PDE4D: variants seen among roughly 807,000 people sequenced by gnomAD.
PDE4D encodes phosphodiesterase 4D, also known as 3',5'-cyclic-AMP phosphodiesterase 4D.
In PDE4D, 24 loss-of-function variants were observed where a neutral mutation model predicts 87.4. The ratio of observed to expected loss-of-function variants is 0.27; its 90% confidence interval spans 0.20 to 0.39. The LOEUF (loss-of-function observed/expected upper bound fraction) is 0.39. Ranked by LOEUF, PDE4D falls within the 10% of genes least tolerant of loss-of-function variation. The probability of loss-of-function intolerance (pLI) is 1.00; values close to 1 mark genes in which losing one functional copy is unlikely to be tolerated. For synonymous variants in PDE4D, 384 were observed against 383.2 expected (o/e 1.00, Z -0.02); for missense variants, 714 against 1,041.0 (o/e 0.69, Z 4.32).
At chr5:59,205,897 C>T (rs568300931) in intron 2 of PDE4D, among the ~76,000 whole-genome samples, 1 of 152,282 alleles carries the variant, frequency 6.6e-6, no homozygotes, top group East Asian at 1.9e-4. Flanking sequence ...GAGACAACAT[C>T]ATTTACTGAA....
intron 2 of PDE4D, among the ~76,000 whole-genome samples, chr5:60,148,995 AC>A (rs1781262192): frequency 6.6e-6 from 1 of 152,214 alleles, no homozygotes; most frequent in Non-Finnish European, 1.5e-5. Context: ...ACTCCTATGA[AC>A]AAAAATGTAG....
chr5:59,361,668 TG>T (rs1022463177), intron 1 of PDE4D, among the ~76,000 whole-genome samples: 3 of 152,182 alleles, frequency 2.0e-5, no homozygotes, highest in African/African-American at 7.2e-5. Flanking sequence ...ATGACTTATT[TG>T]GTATCTGGCT....
chr5:60,183,529 C>T (rs879543660), intron 2 of PDE4D, among the ~76,000 whole-genome samples: 2 of 152,116 alleles, frequency 1.3e-5, no homozygotes, highest in Admixed American at 1.3e-4. Context: ...GTAAGGTGAT[C>T]GTTTAAGGAT....
intron 1 of PDE4D, among the ~76,000 whole-genome samples, chr5:59,249,613 A>T (rs762431198): frequency 1.3e-5 from 2 of 152,176 alleles, no homozygotes; most frequent in Non-Finnish European, 2.9e-5. Context: ...TTGTATCCAT[A>T]TAAGTAATGT....
chr5:60,049,006 T>G (rs1389619313), intron 2 of PDE4D, among the ~76,000 whole-genome samples: 1 of 152,222 alleles, frequency 6.6e-6, no homozygotes, highest in African/African-American at 2.4e-5. Flanking sequence ...GGTACACCAA[T>G]CAGACATAGA....
At chr5:59,046,966 A>G (rs1480529165) in intron 5 of PDE4D, among the ~76,000 whole-genome samples, 1 of 152,214 alleles carries the variant, frequency 6.6e-6, no homozygotes, top group African/African-American at 2.4e-5. Flanking sequence ...AAGCAATTCC[A>G]GGCAATTCAG....
rs1425841033 is a variant in PDE4D, at chr5:59,493,154, T to TG, written c.456-277187_456-277186insC. ...GATTGGTACCAAACTCTGAGTTTTT[T>TG]TATTGCAATATTTTAGGCATTTTGG... is the stretch of plus-strand genomic sequence containing the variant. On this transcript the variant is annotated intron_variant, in intron 1 of 14. Coordinates refer to ENST00000340635, the MANE Select transcript of PDE4D (RefSeq NM_001104631.2). Among the ~76,000 whole-genome samples, 4 of 152,196 alleles carry TG rather than the reference T, an allele frequency of 2.6e-5. No individual in the cohort carries two copies. The East Asian group carries it at 7.7e-4, about 29-fold the overall frequency.
intron 1 of PDE4D, among the ~76,000 whole-genome samples, chr5:59,404,375 C>T (rs1791231328): frequency 6.6e-6 from 1 of 152,072 alleles, no homozygotes; most frequent in African/African-American, 2.4e-5. Flanking sequence ...AATCTTTGCT[C>T]AGGCCAGGCG....
intron 2 of PDE4D, among the ~76,000 whole-genome samples, chr5:60,070,740 T>C (rs1772623464): frequency 6.6e-6 from 1 of 152,054 alleles, no homozygotes; most frequent in African/African-American, 2.4e-5. Flanking sequence ...TTTGAAAAGT[T>C]TTAGAAGAAA....
chr5:59,622,423 C>A (rs182642756), intron 1 of PDE4D, among the ~76,000 whole-genome samples: 1 of 152,184 alleles, frequency 6.6e-6, no homozygotes, highest in African/African-American at 2.4e-5. Flanking sequence ...TCTGATGTAG[C>A]TGACTTTTTG....
chr5:59,665,127 C>T (rs1263871078), intron 1 of PDE4D, among the ~76,000 whole-genome samples: 7 of 152,062 alleles, frequency 4.6e-5, no homozygotes, highest in Admixed American at 2.6e-4. Context: ...GATTGTCTTC[C>T]TAGGGTCTCC....
intron 2 of PDE4D, among the ~76,000 whole-genome samples, chr5:60,012,801 T>C (rs771394426): frequency 6.6e-6 from 1 of 152,190 alleles, no homozygotes; most frequent in African/African-American, 2.4e-5. Flanking sequence ...CTGAATCCCA[T>C]GAAAATTTAA....
At chr5:59,368,533 G>A (rs550175176) in intron 1 of PDE4D, among the ~76,000 whole-genome samples, 10 of 152,276 alleles carry the variant, frequency 6.6e-5, no homozygotes, top group African/African-American at 1.9e-4. Context: ...GATTTAGCAC[G>A]TTAATTAGAA....
At chr5:59,367,047 G>A (rs895156032) in intron 1 of PDE4D, among the ~76,000 whole-genome samples, 1 of 152,186 alleles carries the variant, frequency 6.6e-6, no homozygotes, top group African/African-American at 2.4e-5. Context: ...GAAGAAGCTA[G>A]TGTGTTCTCA....
rs148774690 is a variant in PDE4D at position 59,549,678 on chromosome 5, G to C, written c.456-333710C>G. Among the ~76,000 whole-genome samples, 22 of 152,154 alleles carry C rather than the reference G, an allele frequency of 1.4e-4. 1 individual carries two copies. Among genetic ancestry groups the C allele is most frequent in the Middle Eastern group, 3.4e-3 (1 of 294 alleles). On this transcript the variant is annotated intron_variant, in intron 1 of 14. Coordinates refer to ENST00000340635, the MANE Select transcript of PDE4D (RefSeq NM_001104631.2). ...GGAATATACATTTCAGTGAAACTCTGTACCCACCCAACCCACTCCACAGCA... is the reference window on the plus strand; with the variant it reads ...GGAATATACATTTCAGTGAAACTCTCTACCCACCCAACCCACTCCACAGCA...
chr5:59,079,986 C>T (rs959685508), intron 5 of PDE4D, among the ~76,000 whole-genome samples: 1 of 151,790 alleles, frequency 6.6e-6, no homozygotes, highest in Admixed American at 6.6e-5. Flanking sequence ...TAGGCTATGG[C>T]TTCCACTAGT....
chr5:60,307,051 C>A (rs951078241), intron 1 of PDE4D, among the ~76,000 whole-genome samples: 7 of 151,940 alleles, frequency 4.6e-5, no homozygotes, highest in Admixed American at 1.3e-4. Flanking sequence ...TAATACCATA[C>A]CTGACAATGA....
chr5:59,042,565 A>T (rs1359206499), intron 5 of PDE4D, among the ~76,000 whole-genome samples: 1 of 152,202 alleles, frequency 6.6e-6, no homozygotes, highest in Non-Finnish European at 1.5e-5. Flanking sequence ...CTTTAACTGC[A>T]CCAAATCTTG....
intron 1 of PDE4D, among the ~76,000 whole-genome samples, chr5:59,585,429 T>G (rs1824958237): frequency 6.6e-6 from 1 of 152,232 alleles, no homozygotes. Context: ...CTGAAAGATA[T>G]ACTTTCAAAA....
Sources: allele counts gnomAD v4.1 joint callset (sites outside exome capture counted in the v4.1 genomes callset), GRCh38; gene constraint gnomAD v4.1.1; transcripts MANE v1.5; gene names NCBI Gene and HGNC (gene_info 2026-07-23, HGNC 2026-07-21).